The following TAF3 variants were observed in gnomAD, a reference collection of about 807,000 sequenced individuals.
TAF3 encodes the protein TATA-box binding protein associated factor 3, also known as transcription initiation factor TFIID subunit 3.
Under a neutral mutation model 80.6 loss-of-function variants are expected in TAF3, and 7 were observed. The observed-to-expected ratio is 0.09, with a 90% CI of 0.05 to 0.16. The LOEUF (loss-of-function observed/expected upper bound fraction) is 0.16, where lower values mean the gene tolerates loss of function less well. Among genes scored for constraint, TAF3 ranks in the 10% least tolerant of loss-of-function variants. The pLI, the probability that TAF3 is intolerant of heterozygous loss-of-function variation, is 1.00. For synonymous variants in TAF3, 444 were observed against 446.1 expected (o/e 1.00, Z 0.06); for missense variants, 921 against 1,140.2 (o/e 0.81, Z 2.77).
At position 7,985,832 on chromosome 10, in the gene TAF3, G is replaced by A. The variant is rs1403438751; in HGVS notation, c.2315+8509G>A. On this transcript the variant is annotated intron_variant, in intron 4 of 6. Transcript: ENST00000344293. ...GGAATCTCACTCTGTGGCCCAGGCT[G>A]AAGTGCAGTGGTGTGATCTTGGCTC... 2.2e-5 allele frequency among the ~76,000 whole-genome samples: 3 copies of A among 136,936 alleles called. No individual in the cohort carries two copies. In the East Asian group the frequency reaches 6.5e-4, roughly 30 times the overall value. The allele number at this position is 136,936 out of a possible 152,430, so 89.8% of individuals were successfully genotyped here.
chr10:7,862,801 C>A (rs553215779), intron 2 of TAF3, among the ~76,000 whole-genome samples: 1 of 152,128 alleles, frequency 6.6e-6, no homozygotes, highest in African/African-American at 2.4e-5. Context: ...TTTGGTCTGG[C>A]CTTTTTTCAC....
chr10:7,884,256 C>T (rs1837387289), intron 2 of TAF3, among the ~76,000 whole-genome samples: 1 of 152,144 alleles, frequency 6.6e-6, no homozygotes, highest in African/African-American at 2.4e-5. Context: ...CTCAAGCTCC[C>T]TCCTATGTCC....
intron 5 of TAF3, among the ~76,000 whole-genome samples, chr10:8,010,019 C>T (rs1459236357): frequency 6.6e-6 from 1 of 152,148 alleles, no homozygotes; most frequent in African/African-American, 2.4e-5. Context: ...TCAAGCGATC[C>T]TCCCACCTCT....
intron 5 of TAF3, 45 bp from the exon 6 acceptor site, chr10:8,013,686 T>A (rs1832076597): frequency 6.4e-7 from 1 of 1,553,552 alleles, no homozygotes; most frequent in African/African-American, 1.4e-5. Context: ...TTTGTTTTTT[T>A]TCCCATTCCC....
intron 2 of TAF3, among the ~76,000 whole-genome samples, chr10:7,959,092 A>AC (rs1838164531): frequency 6.6e-6 from 1 of 151,916 alleles, no homozygotes; most frequent in South Asian, 2.1e-4. Flanking sequence ...GTGAGCTGAG[A>AC]CCGTGCCATT....
chr10:7,940,149 C>T (rs1232562606), intron 2 of TAF3, among the ~76,000 whole-genome samples: 1 of 152,142 alleles, frequency 6.6e-6, no homozygotes, highest in African/African-American at 2.4e-5. Flanking sequence ...GATGGTAGTA[C>T]ATACCATCAG....
chr10:7,876,391 G>C (rs1473292135), intron 2 of TAF3, among the ~76,000 whole-genome samples: 2 of 152,186 alleles, frequency 1.3e-5, no homozygotes, highest in African/African-American at 4.8e-5. Context: ...CCCTTGTAAA[G>C]AGGTATTTTC....
At chr10:7,883,796 T>A (rs1208825141) in intron 2 of TAF3, among the ~76,000 whole-genome samples, 1 of 152,236 alleles carries the variant, frequency 6.6e-6, no homozygotes, top group Non-Finnish European at 1.5e-5. Flanking sequence ...TTTCTGTTGC[T>A]TAGAATACCT....
chr10:7,898,883 C>T (rs1837532080), intron 2 of TAF3, among the ~76,000 whole-genome samples: 2 of 151,782 alleles, frequency 1.3e-5, no homozygotes, highest in South Asian at 4.2e-4. Flanking sequence ...TTCAGACTTG[C>T]GAGTGAGGCA....
chr10:7,944,811 A>G (rs1838009096), intron 2 of TAF3, among the ~76,000 whole-genome samples: 1 of 152,226 alleles, frequency 6.6e-6, no homozygotes, highest in Admixed American at 6.5e-5. Context: ...ATCTTAAGCA[A>G]TTAATCAAGA....
chr10:7,854,842 G>T (rs552733231), intron 2 of TAF3, among the ~76,000 whole-genome samples: 3 of 152,336 alleles, frequency 2.0e-5, no homozygotes, highest in African/African-American at 7.2e-5. Flanking sequence ...TTAGATTGTA[G>T]TGTGAACTTC....
chr10:7,997,015 TACA>T (rs1486460036), intron 4 of TAF3, among the ~76,000 whole-genome samples: 3 of 152,008 alleles, frequency 2.0e-5, no homozygotes, highest in Admixed American at 2.0e-4. Flanking sequence ...TAGTTTAAAA[TACA>T]ACATGGGAAT....
intron 2 of TAF3, among the ~76,000 whole-genome samples, chr10:7,931,265 C>T (rs1837867139): frequency 6.6e-6 from 1 of 152,236 alleles, no homozygotes; most frequent in African/African-American, 2.4e-5. Flanking sequence ...AATGAAGTCA[C>T]CGTGAAGTCA....
At chr10:7,835,685 C>T (rs1315733952) in intron 2 of TAF3, among the ~76,000 whole-genome samples, 1 of 152,202 alleles carries the variant, frequency 6.6e-6, no homozygotes. Context: ...GCCTCAGCCG[C>T]TCTTCTCGGG....
At chr10:7,884,392 C>CTTTTTTT (rs61498355) in intron 2 of TAF3, among the ~76,000 whole-genome samples, 6 of 120,500 alleles carry the variant, frequency 5.0e-5, no homozygotes, top group Admixed American at 1.9e-4. Flanking sequence ...GCTCTGCCTC[C>CTTTTTTT]TTTTTTTTTT....
At chr10:7,888,638 T>C (rs577397671) in intron 2 of TAF3, among the ~76,000 whole-genome samples, 11 of 152,318 alleles carry the variant, frequency 7.2e-5, no homozygotes, top group African/African-American at 2.6e-4. Context: ...GTTATGTAAG[T>C]GCCCTCACCA....
chr10:7,951,555 C>T (rs1161705100), intron 2 of TAF3, among the ~76,000 whole-genome samples: 3 of 152,174 alleles, frequency 2.0e-5, no homozygotes, highest in Admixed American at 2.0e-4. Context: ...CTGCTTCTGT[C>T]ACATTTGCCC....
intron 2 of TAF3, among the ~76,000 whole-genome samples, chr10:7,934,846 A>G (rs1837901277): frequency 6.6e-6 from 1 of 152,380 alleles, no homozygotes; most frequent in Non-Finnish European, 1.5e-5. Flanking sequence ...ATTCATTTCA[A>G]AAATATTCAT....
At chr10:7,846,399 T>A (rs1190446723) in intron 2 of TAF3, among the ~76,000 whole-genome samples, 1 of 152,352 alleles carries the variant, frequency 6.6e-6, no homozygotes, top group South Asian at 2.1e-4. Context: ...TGATAGTTGC[T>A]TTATCTGCAT....
Sources: gnomAD v4.1 joint callset for allele counts (sites outside exome capture counted in the v4.1 genomes callset) on GRCh38, gnomAD v4.1.1 for gene constraint, MANE v1.5 for transcripts, NCBI Gene and HGNC (gene_info 2026-07-23, HGNC 2026-07-21) for gene names.